PCDHGA4: variants seen among roughly 807,000 people sequenced by gnomAD.
PCDHGA4 encodes the protein protocadherin gamma-A4.
PCDHGA4 carries 38 observed loss-of-function variants against 54.6 expected under a neutral mutation model. The observed-to-expected ratio is 0.70, with a 90% CI of 0.54 to 0.91. The LOEUF (loss-of-function observed/expected upper bound fraction) is 0.91, where lower values mean the gene tolerates loss of function less well. Among genes scored for constraint, PCDHGA4 ranks in the 40% least tolerant of loss-of-function variants. PCDHGA4 has a pLI of 0.00. For synonymous variants in PCDHGA4, 511 were observed against 512.9 expected (o/e 1.00, Z 0.05); for missense variants, 1,298 against 1,220.9 (o/e 1.06, Z -0.94).
At chr5:141,364,937 GAGAA>G (rs746946812) in intron 1 of PCDHGA4, 1 of 1,613,948 alleles carries the variant, frequency 6.2e-7, no homozygotes. Context: ...CCTAGACCGC[GAGAA>G]AGAGACTGTT....
In PCDHGA4 at chr5:141,355,914, T is replaced by C; in HGVS notation, c.807T>C (p.Asn269=). The C allele has an allele frequency of 1.9e-6, 3 of 1,613,820 alleles. No individual in the cohort carries two copies. Among genetic ancestry groups the C allele is most frequent in the South Asian group, 1.1e-5 (1 of 91,058 alleles). Residue 269 remains asparagine, a synonymous_variant, in exon 1 of 4, where the codon AAT becomes AAC. Transcript: ENST00000571252. ...TAATACTTGTGGATACCAACGATAA[T>C]GCTCCCGTGTTCACTCAGCCCGAGT... ...ILIILVDTND[N]APVFTQPEYH...
Position 141,486,791 on chromosome 5 carries a change from C to G in PCDHGA4, c.2515-8016C>G. On this transcript the variant is annotated intron_variant, in intron 1 of 3. Coordinates refer to ENST00000571252, the MANE Select transcript of PCDHGA4 (RefSeq NM_018917.4). The surrounding 1 kb of genome is among the most constrained non-coding windows in gnomAD (Gnocchi z 5.0). ...GCAGTTTGAGGTGCAGGCCCGGGAT[C>G]GGGGCAACCCACCCCTTAGCAGCAC... The G allele has an allele frequency of 1.9e-6, 3 of 1,614,224 alleles. No individual in the cohort carries two copies. The highest frequency in any genetic ancestry group is 2.5e-6 in the Non-Finnish European group (3 of 1,180,046).
At chr5:141,362,281 C>A in intron 1 of PCDHGA4, 4 of 1,614,016 alleles carry the variant, frequency 2.5e-6, no homozygotes, top group Non-Finnish European at 3.4e-6. Flanking sequence ...CCTGCGCCTG[C>A]GACTCTCTTC....
rs764457879 is a variant in PCDHGA4 at position 141,356,426 on chromosome 5, C to T, written c.1319C>T (p.Thr440Ile). The T allele has an allele frequency of 7.5e-6, 12 of 1,607,618 alleles. No individual in the cohort carries two copies. The African/African-American group carries it at 1.6e-4, about 21-fold the overall frequency. The change falls in exon 1 of 4, where the codon ACA becomes ATA. Residue 440 changes from threonine to isoleucine, a missense_variant. Thr to Ile is a moderately conservative substitution (Grantham distance 89). Coordinates refer to ENST00000571252, the MANE Select transcript of PCDHGA4 (RefSeq NM_018917.4). ...TATTATCGGTTGTTGACACACAGAA[C>T]ACTGGACAGGGAAGAAGTCTCAGAA... The part of the protein sequence containing the change: ...GNYYRLLTHR[T>I]LDREEVSEYN...
At position 141,418,595 on chromosome 5, in the gene PCDHGA4, G is replaced by A. The variant is rs1331897624; in HGVS notation, c.2514+60974G>A. The A allele has an allele frequency of 2.5e-6, 4 of 1,613,928 alleles. No individual in the cohort carries two copies. Among genetic ancestry groups the A allele is most frequent in the Admixed American group, 3.3e-5 (2 of 60,006 alleles). On this transcript the variant is annotated intron_variant, in intron 1 of 3. Transcript: ENST00000571252. ...CAACCCCCCAGTGTTCAGCCAGGAC[G>A]TGTACAGGGTTAGCCTTCGGGAAGA...
Position 141,491,925 on chromosome 5 carries a change from G to C in PCDHGA4, c.2515-2882G>C. On this transcript the variant is annotated intron_variant, in intron 1 of 3. Coordinates refer to ENST00000571252, the MANE Select transcript of PCDHGA4 (RefSeq NM_018917.4). This position sits in a 1 kb window ranked among gnomAD's most constrained non-coding sequence, Gnocchi z 6.9. ...GGGTGGTGGCGACTGTGGGCGAGGG[G>C]AGGTGGGACCGACCCCCACCCCTAC... 1 of 1,325,176 alleles carries C rather than the reference G, an allele frequency of 7.5e-7. No individual in the cohort carries two copies. Among genetic ancestry groups the C allele is most frequent in the Non-Finnish European group, 1.0e-6 (1 of 987,300 alleles). The allele number at this position is 1,325,176 out of a possible 1,614,324, so 82.1% of individuals were successfully genotyped here.
chr5:141,444,282 C>T (rs1341316344), intron 1 of PCDHGA4, among the ~76,000 whole-genome samples: 1 of 148,268 alleles, frequency 6.7e-6, no homozygotes, highest in African/African-American at 2.5e-5. Flanking sequence ...AGTGATTCTC[C>T]TGCCTCAGCC....
intron 2 of PCDHGA4, among the ~76,000 whole-genome samples, chr5:141,496,769 C>T (rs1434587849): frequency 2.0e-5 from 3 of 152,064 alleles, no homozygotes; most frequent in African/African-American, 7.3e-5. Flanking sequence ...CGAGCATCTA[C>T]TATGAGCAGG....
intron 1 of PCDHGA4, chr5:141,403,193 A>G (rs1291009856): frequency 1.9e-6 from 3 of 1,613,986 alleles, no homozygotes; most frequent in South Asian, 2.2e-5. Context: ...GAACCCGCGC[A>G]GCGGCACCTT....
Position 141,489,400 on chromosome 5 carries a change from T to A in PCDHGA4, c.2515-5407T>A. 6.2e-7 allele frequency: 1 copy of A among 1,614,134 alleles called. No individual in the cohort carries two copies. Among genetic ancestry groups the A allele is most frequent in the Non-Finnish European group, 8.5e-7 (1 of 1,180,020 alleles). On this transcript the variant is annotated intron_variant, in intron 1 of 3. Transcript: ENST00000571252. This position sits in a 1 kb window ranked among gnomAD's most constrained non-coding sequence, Gnocchi z 4.5. ...GGGGAATGTTGCTCAGGATCTGGGC[T>A]TAAAGATGACAGATCTGTTGAGCCG...
In PCDHGA4 at chr5:141,356,293, GT is replaced by G. The variant is rs372920279; in HGVS notation, c.1187del (p.Val396GlufsTer17). ...SVQESSSPGT[V>X]IALFNVHDSD... is the part of the protein sequence containing the mutation. ...CCAGGAATCTTCTTCCCCGGGTACAGTAATTGCACTTTTCAACGTGCATGAC... is the reference window on the plus strand; with the variant it reads ...CCAGGAATCTTCTTCCCCGGGTACAGAATTGCACTTTTCAACGTGCATGAC... On this transcript the variant is annotated frameshift_variant, in exon 1 of 4. Transcript: ENST00000571252. LOFTEE classifies it high-confidence loss of function. The G allele has an allele frequency of 3.3e-4, 508 of 1,555,440 alleles. 4 individuals carry two copies. The East Asian group carries it at 0.011, about 35-fold the overall frequency.
intron 1 of PCDHGA4, chr5:141,396,643 A>C (rs1271446592): frequency 6.6e-6 from 1 of 152,180 alleles, no homozygotes; most frequent in Admixed American, 6.5e-5. Context: ...ACTAATATTA[A>C]TAGTAAAAAC....
intron 1 of PCDHGA4, chr5:141,383,716 G>A (rs1012308132): frequency 6.2e-7 from 1 of 1,614,012 alleles, no homozygotes; most frequent in Non-Finnish European, 8.5e-7. Context: ...GGACGAGGGA[G>A]TCAATGGGGA....
intron 2 of PCDHGA4, among the ~76,000 whole-genome samples, chr5:141,498,068 A>G (rs765582921): frequency 6.6e-6 from 1 of 152,244 alleles, no homozygotes; most frequent in Non-Finnish European, 1.5e-5. Context: ...TGAAACTGTC[A>G]TAAGTGCTAG....
chr5:141,403,634 A>C, intron 1 of PCDHGA4: 1 of 1,613,920 alleles, frequency 6.2e-7, no homozygotes, highest in Non-Finnish European at 8.5e-7. Context: ...CACAGTGCGC[A>C]TCCATGTGAC....
intron 1 of PCDHGA4, chr5:141,420,184 A>G: frequency 5.0e-6 from 8 of 1,613,990 alleles, no homozygotes; most frequent in Non-Finnish European, 6.8e-6. Context: ...ATCATTGTCC[A>G]GCCACACAAG....
intron 1 of PCDHGA4, chr5:141,388,088 C>T (rs774450859): frequency 8.8e-6 from 12 of 1,368,276 alleles, no homozygotes; most frequent in Admixed American, 2.0e-5. Flanking sequence ...AACTGCGCGT[C>T]AGTTCGGAGA....
chr5:141,442,317 A>T (rs1257883989), intron 1 of PCDHGA4: 2 of 152,400 alleles, frequency 1.3e-5, no homozygotes, highest in Admixed American at 6.5e-5. Context: ...ACGGATGTCT[A>T]TCCCGCGCTA....
chr5:141,442,149 T>C, intron 1 of PCDHGA4: 1 of 159,274 alleles, frequency 6.3e-6, no homozygotes, highest in Non-Finnish European at 1.4e-5. Flanking sequence ...CTGCCAGACC[T>C]CAGCGATCAC....
Sources: gnomAD v4.1 joint callset for allele counts (sites outside exome capture counted in the v4.1 genomes callset) on GRCh38, gnomAD v4.1.1 for gene constraint, Gnocchi (gnomAD v3.1) non-coding constraint, MANE v1.5 for transcripts, NCBI Gene and HGNC (gene_info 2026-07-23, HGNC 2026-07-21) for gene names.